The following EBF3 variants were observed in gnomAD, a reference collection of about 807,000 sequenced individuals.
EBF3 encodes the protein EBF transcription factor 3, also known as transcription factor COE3.
Under a neutral mutation model 77.1 loss-of-function variants are expected in EBF3, and 18 were observed. The ratio of observed to expected loss-of-function variants is 0.23; its 90% CI spans 0.16 to 0.35. EBF3 has a LOEUF of 0.35. Ranked by LOEUF, EBF3 falls within the 10% of genes least tolerant of loss-of-function variation. EBF3 has a pLI of 1.00. For synonymous variants in EBF3, 350 were observed against 343.5 expected, an observed-to-expected ratio of 1.02 and a Z score of -0.21; for missense variants, 558 against 860.0, an observed-to-expected ratio of 0.65 and a Z score of 4.39.
chr10:129,895,808 A>G (rs1854331075), intron 6 of EBF3, among the ~76,000 whole-genome samples: 1 of 152,178 alleles, frequency 6.6e-6, no homozygotes, highest in Non-Finnish European at 1.5e-5. Context: ...TTCTCTGCAC[A>G]TATTAGTTAA....
chr10:129,874,490 A>C (rs1217585254), intron 7 of EBF3, among the ~76,000 whole-genome samples: 1 of 152,230 alleles, frequency 6.6e-6, no homozygotes, highest in Non-Finnish European at 1.5e-5. Flanking sequence ...AGGAACCAGG[A>C]AATGACAACC....
In EBF3 at chr10:129,943,259, G is replaced by C. The variant is rs898882768; in HGVS notation, c.554+13999C>G. On this transcript the variant is annotated intron_variant, in intron 6 of 16. Transcript: ENST00000440978. The surrounding 1 kb of genome is among the most constrained non-coding windows in gnomAD (Gnocchi z 8.8). ...GCGGCTCTCCACAAACAAATAAACA[G>C]CAAATACTTACAGGAGACAGCCTTG... Among the ~76,000 whole-genome samples, 1 of 152,160 alleles carries C rather than the reference G, an allele frequency of 6.6e-6. No individual in the cohort carries two copies. Among genetic ancestry groups the C allele is most frequent in the South Asian group, 2.1e-4 (1 of 4,830 alleles).
At chr10:129,876,478 T>C (rs1394105028) in intron 7 of EBF3, among the ~76,000 whole-genome samples, 2 of 152,244 alleles carry the variant, frequency 1.3e-5, no homozygotes, top group Admixed American at 6.5e-5. Flanking sequence ...CAGGAAACAC[T>C]GTCCCCAGCT....
At chr10:129,839,550 C>G (rs1298096407) in intron 15 of EBF3, among the ~76,000 whole-genome samples, 1 of 152,132 alleles carries the variant, frequency 6.6e-6, no homozygotes, top group African/African-American at 2.4e-5. Flanking sequence ...CCTCCTGATT[C>G]TTTGAAAGAG....
In EBF3 at chr10:129,879,187, G is replaced by C. The variant is rs9664089; in HGVS notation, c.555-1338C>G. 0.034 allele frequency among the ~76,000 whole-genome samples: 5,149 copies of C among 152,108 alleles called. 300 individuals carry two copies. The highest frequency in any genetic ancestry group is 0.12 in the African/African-American group (4,774 of 41,498). Reference sequence around the variant, plus strand: ...ACCACTACCCACAGGAAAAGTGGGTGGGGGGGTTTCTCCCTGTATAACCTC... The same window carrying C: ...ACCACTACCCACAGGAAAAGTGGGTCGGGGGGTTTCTCCCTGTATAACCTC... On this transcript the variant is annotated intron_variant, in intron 6 of 16. Transcript: ENST00000440978. The surrounding 1 kb of genome is among the most constrained non-coding windows in gnomAD (Gnocchi z 4.7).
chr10:129,851,109 T>G lies in EBF3; in HGVS notation c.1040-2629A>C, dbSNP rs1850849325. Among the ~76,000 whole-genome samples, 3 of 152,368 alleles carry G rather than the reference T, an allele frequency of 2.0e-5. No homozygotes were observed. The South Asian group carries it at 6.2e-4, about 32-fold the overall frequency. On this transcript the variant is annotated intron_variant, in intron 10 of 16. Transcript: ENST00000440978. ...TGACCTTTCACCTGCGCTGCATTAC[T>G]TTGCTGATATTAAGATAAATTGCCT...
chr10:129,843,816 G>A (rs1850261518), intron 11 of EBF3, among the ~76,000 whole-genome samples: 1 of 152,216 alleles, frequency 6.6e-6, no homozygotes, highest in African/African-American at 2.4e-5. Flanking sequence ...CTCTTTGACT[G>A]CATGTTGTAA....
At position 129,842,590 on chromosome 10, in the gene EBF3, C is replaced by T. The variant is rs1850153570; in HGVS notation, c.1195-297G>A. On this transcript the variant is annotated intron_variant, in intron 12 of 16. Transcript: ENST00000440978. The surrounding 1 kb of genome is among the most constrained non-coding windows in gnomAD (Gnocchi z 4.4). ...ACCAGCCTGGCCAACATGGCGAAAT[C>T]CCATCTCTAATGAAAATACAAAAAT... is the stretch of plus-strand genomic sequence containing the variant. 6.6e-6 allele frequency among the ~76,000 whole-genome samples: 1 copy of T among 152,044 alleles called. No individual in the cohort carries two copies. The highest frequency in any genetic ancestry group is 1.9e-4 in the East Asian group (1 of 5,180).
intron 16 of EBF3, among the ~76,000 whole-genome samples, chr10:129,838,196 GCTT>G (rs1457091527): frequency 4.1e-5 from 6 of 147,740 alleles, no homozygotes; most frequent in African/African-American, 1.6e-4. Context: ...CTCCTCAAAG[GCTT>G]CTTTAAAGGC....
intron 6 of EBF3, 22 bp from the exon 7 acceptor site, chr10:129,877,871 G>A: frequency 6.3e-7 from 1 of 1,578,122 alleles, no homozygotes; most frequent in Non-Finnish European, 8.7e-7. Flanking sequence ...ACAAAAAGAT[G>A]ATATTTATTA....
chr10:129,900,677 C>T (rs1477016624), intron 6 of EBF3, among the ~76,000 whole-genome samples: 1 of 152,266 alleles, frequency 6.6e-6, no homozygotes, highest in South Asian at 2.1e-4. Context: ...TAAACAGCCC[C>T]CAACATTGAT....
chr10:129,878,627 A>C (rs1157002526), intron 6 of EBF3, among the ~76,000 whole-genome samples: 2 of 141,448 alleles, frequency 1.4e-5, no homozygotes, highest in Non-Finnish European at 3.0e-5. Flanking sequence ...GTGCCAGTGC[A>C]CTCCAGCCTG....
chr10:129,867,107 C>T lies in EBF3; in HGVS notation c.1039+34G>A, dbSNP rs147174519. ...CTCCTGGTGGGGAGGAGGCCTCTACCGCTTTCCCGCAGAAGCTGGAGCTGT... is the reference window on the plus strand; with the variant it reads ...CTCCTGGTGGGGAGGAGGCCTCTACTGCTTTCCCGCAGAAGCTGGAGCTGT... On this transcript the variant is annotated intron_variant, in intron 10 of 16. Transcript: ENST00000440978. 9,302 of 1,603,712 alleles carry T rather than the reference C, an allele frequency of 5.8e-3. 50 individuals are homozygous for T. Among genetic ancestry groups the T allele is most frequent in the Middle Eastern group, 9.5e-3 (57 of 5,992 alleles).
Position 129,963,119 on chromosome 10 carries a change from G to C in EBF3, c.292-114C>G. 1 of 1,365,130 alleles carries C rather than the reference G, an allele frequency of 7.3e-7. No individual in the cohort carries two copies. Among genetic ancestry groups the C allele is most frequent in the South Asian group, 1.2e-5 (1 of 84,566 alleles). The allele number at this position is 1,365,130 out of a possible 1,614,324, so 84.6% of individuals were successfully genotyped here. A position where few individuals can be genotyped will look rare whatever the true frequency, so the allele number is the denominator to read the frequency against. ...GGCCTCACACATGGCAGGATTCCTA[G>C]CTCGAAGCAGCGCGGTGATGTCACT... On this transcript the variant is annotated intron_variant, in intron 2 of 16. Transcript: ENST00000440978. The surrounding 1 kb of genome is among the most constrained non-coding windows in gnomAD (Gnocchi z 7.1).
At position 129,964,271 on chromosome 10, in the gene EBF3, G is replaced by T. The variant is rs1193860476; in HGVS notation, c.-503C>A. On this transcript the variant is annotated 5_prime_UTR_variant, in exon 1 of 17. Transcript: ENST00000440978. The surrounding 1 kb of genome is among the most constrained non-coding windows in gnomAD (Gnocchi z 4.5). The stretch of plus-strand genomic sequence containing the variant: ...CAAAACTCAGCCCTCTCTCCCCGAG[G>T]AATGGACCCTTTCCCGGGAGCCAAA... 1.0e-6 allele frequency: 1 copy of T among 984,990 alleles called. No individual in the cohort carries two copies. Among genetic ancestry groups the T allele is most frequent in the Admixed American group, 6.2e-5 (1 of 16,246 alleles). 61.0% of individuals were successfully genotyped at this position (984,990 alleles called of 1,614,324 possible). A position where few individuals can be genotyped will look rare whatever the true frequency, so the allele number is the denominator to read the frequency against.
At chr10:129,915,579 TG>T (rs1327533277) in intron 6 of EBF3, among the ~76,000 whole-genome samples, 1 of 152,052 alleles carries the variant, frequency 6.6e-6, no homozygotes, top group African/African-American at 2.4e-5. Flanking sequence ...CCATGAAGTT[TG>T]TTGTAACGAG....
At chr10:129,903,180 G>C (rs910613812) in intron 6 of EBF3, among the ~76,000 whole-genome samples, 2 of 152,234 alleles carry the variant, frequency 1.3e-5, no homozygotes, top group African/African-American at 4.8e-5. Flanking sequence ...ATGGAACCAG[G>C]TGAAGCTGCT....
chr10:129,896,255 C>T (rs1258305230), intron 6 of EBF3, among the ~76,000 whole-genome samples: 1 of 152,252 alleles, frequency 6.6e-6, no homozygotes, highest in Non-Finnish European at 1.5e-5. Flanking sequence ...CCCAGGCCGG[C>T]TGCCGGATGT....
At chr10:129,933,102 G>C (rs1361341178) in intron 6 of EBF3, among the ~76,000 whole-genome samples, 7 of 152,072 alleles carry the variant, frequency 4.6e-5, no homozygotes. Context: ...CATTCGCTTG[G>C]AATCAGCCTG....
Sources: allele counts gnomAD v4.1 joint callset (sites outside exome capture counted in the v4.1 genomes callset), GRCh38; gene constraint gnomAD v4.1.1; non-coding constraint Gnocchi (gnomAD v3.1); transcripts MANE v1.5; gene names NCBI Gene and HGNC (gene_info 2026-07-23, HGNC 2026-07-21).